HECW1: variants seen among roughly 807,000 people sequenced by gnomAD.
HECW1 encodes E3 ubiquitin-protein ligase HECW1.
In HECW1, 61 loss-of-function variants were observed where a neutral mutation model predicts 182.3. The ratio of observed to expected loss-of-function variants is 0.33; its 90% CI spans 0.27 to 0.41. The LOEUF (loss-of-function observed/expected upper bound fraction) is 0.41, where lower values mean the gene tolerates loss of function less well. HECW1 is among the 10% of genes least tolerant of loss of function. The pLI is 1.00. For synonymous variants in HECW1, 859 were observed against 832.6 expected, an observed-to-expected ratio of 1.03 and a Z score of -0.55; for missense variants, 1,739 against 2,108.9, an observed-to-expected ratio of 0.82 and a Z score of 3.44.
chr7:43,365,812 G>A (rs1405064465), intron 6 of HECW1, among the ~76,000 whole-genome samples: 1 of 152,138 alleles, frequency 6.6e-6, no homozygotes, highest in Non-Finnish European at 1.5e-5. Context: ...AACAAAGAAC[G>A]GCTGGGTGCA....
intron 2 of HECW1, among the ~76,000 whole-genome samples, chr7:43,129,002 A>G (rs1786600105): frequency 6.6e-6 from 1 of 152,232 alleles, no homozygotes; most frequent in Non-Finnish European, 1.5e-5. Context: ...GTTGCTTCTT[A>G]TGGATGAGCA....
At position 43,471,893 on chromosome 7, in the gene HECW1, T is replaced by C. The variant is rs549718167; in HGVS notation, c.3099+2788T>C. On this transcript the variant is annotated intron_variant, in intron 16 of 29. Transcript: ENST00000395891. Reference sequence around the variant, plus strand: ...AAAAGCATGTCTTTTTTTCAGAAAGTATATTTTTTTCCCAGAAAGTATAAT... The same window carrying C: ...AAAAGCATGTCTTTTTTTCAGAAAGCATATTTTTTTCCCAGAAAGTATAAT... 3.7e-4 allele frequency among the ~76,000 whole-genome samples: 57 copies of C among 152,256 alleles called. No homozygotes were observed. In the Middle Eastern group the frequency reaches 0.014, roughly 36 times the overall value.
At chr7:43,220,136 T>G (rs886439) in intron 2 of HECW1, among the ~76,000 whole-genome samples, 88,947 of 152,094 alleles carry the variant, frequency 0.58, 26,870 homozygotes, top group African/African-American at 0.72. Context: ...CCTTAGGTTT[T>G]CTAATTTACT....
At position 43,495,215 on chromosome 7, in the gene HECW1, C is replaced by T. The variant is rs188239109; in HGVS notation, c.3437+2035C>T. On this transcript the variant is annotated intron_variant, in intron 19 of 29. Coordinates refer to ENST00000395891, the MANE Select transcript of HECW1 (RefSeq NM_015052.5). ...CACCATGGTGGTTTGCTGCACCCAT[C>T]AACCCGTCATCTACATTAGGTATTT... Among the ~76,000 whole-genome samples the T allele has an allele frequency of 3.4e-3, 523 of 152,164 alleles. 3 individuals carry two copies. The highest frequency in any genetic ancestry group is 6.3e-3 in the Non-Finnish European group (431 of 68,002).
intron 8 of HECW1, among the ~76,000 whole-genome samples, chr7:43,431,091 T>C (rs1415702539): frequency 1.3e-5 from 2 of 152,160 alleles, no homozygotes; most frequent in Non-Finnish European, 2.9e-5. Flanking sequence ...TTTATTTTTC[T>C]TTAACAATGT....
chr7:43,454,543 A>G (rs1347411232), intron 12 of HECW1, among the ~76,000 whole-genome samples: 2 of 152,192 alleles, frequency 1.3e-5, no homozygotes, highest in African/African-American at 4.8e-5. Flanking sequence ...ATTTTAATCA[A>G]AATCTCCTAG....
In HECW1 at chr7:43,115,516, T is replaced by C. The variant is rs529017734; in HGVS notation, c.-32+1125T>C. 9.8e-5 allele frequency among the ~76,000 whole-genome samples: 15 copies of C among 152,336 alleles called. No homozygotes were observed. In the East Asian group the frequency reaches 2.5e-3, roughly 25 times the overall value. On this transcript the variant is annotated intron_variant, in intron 2 of 29. Transcript: ENST00000395891. ...ATAGCTGTTTCATCCTATGCAGTAA[T>C]TGACAATGGCATGAGACTTACTTTC... is the stretch of plus-strand genomic sequence containing the variant.
At chr7:43,319,164 G>A (rs955308970) in intron 4 of HECW1, among the ~76,000 whole-genome samples, 21 of 151,814 alleles carry the variant, frequency 1.4e-4, no homozygotes, top group Non-Finnish European at 2.2e-4. Flanking sequence ...GAGGCGGGTG[G>A]ATCATGAGGT....
intron 2 of HECW1, among the ~76,000 whole-genome samples, chr7:43,202,983 A>C (rs1387352624): frequency 6.6e-6 from 1 of 151,444 alleles, no homozygotes; most frequent in Admixed American, 6.6e-5. Flanking sequence ...CCCCACCCCT[A>C]TCTCCCTTCG....
chr7:43,487,964 AAGAGAGAGAGAG>A (rs142459103), intron 17 of HECW1, among the ~76,000 whole-genome samples: 1 of 147,208 alleles, frequency 6.8e-6, no homozygotes, highest in Admixed American at 6.8e-5. Flanking sequence ...AAAAAAAAGG[AAGAGAGAGAGAG>A]AGAGAGAAAG....
chr7:43,139,422 C>T (rs1314966740), intron 2 of HECW1, among the ~76,000 whole-genome samples: 2 of 152,188 alleles, frequency 1.3e-5, no homozygotes, highest in Admixed American at 1.3e-4. Context: ...GAGTCAAAGA[C>T]GCAACATGCA....
At chr7:43,405,654 C>T (rs1261319223) in intron 7 of HECW1, among the ~76,000 whole-genome samples, 3 of 152,078 alleles carry the variant, frequency 2.0e-5, no homozygotes, top group African/African-American at 4.8e-5. Flanking sequence ...ATCAAACTTC[C>T]GGCCTCCCAG....
intron 6 of HECW1, among the ~76,000 whole-genome samples, chr7:43,363,951 C>T (rs1017985886): frequency 2.0e-5 from 3 of 152,164 alleles, no homozygotes; most frequent in African/African-American, 7.2e-5. Context: ...TTTGCAGTCT[C>T]GTCTGGGGAC....
intron 3 of HECW1, among the ~76,000 whole-genome samples, chr7:43,267,672 G>C (rs1292791726): frequency 6.6e-6 from 1 of 151,848 alleles, no homozygotes; most frequent in African/African-American, 2.4e-5. Flanking sequence ...TATTTACTTG[G>C]GGGACCAAAC....
At chr7:43,163,813 A>G (rs1262727921) in intron 2 of HECW1, among the ~76,000 whole-genome samples, 1 of 152,060 alleles carries the variant, frequency 6.6e-6, no homozygotes, top group Non-Finnish European at 1.5e-5. Context: ...AGATGTTTGG[A>G]TTTGATGGAA....
chr7:43,226,631 G>A (rs530219174), intron 2 of HECW1, among the ~76,000 whole-genome samples: 65 of 152,298 alleles, frequency 4.3e-4, no homozygotes, highest in African/African-American at 1.5e-3. Flanking sequence ...GATCCTTGAC[G>A]AAGCGGGTGC....
intron 17 of HECW1, among the ~76,000 whole-genome samples, chr7:43,480,061 G>A (rs2078368147): frequency 6.6e-6 from 1 of 152,176 alleles, no homozygotes; most frequent in Non-Finnish European, 1.5e-5. Context: ...GCCTCCTGAG[G>A]CCTGTCATGT....
rs77686324 is a variant in HECW1, at chr7:43,521,231, A to G, written c.4019+12110A>G. Among the ~76,000 whole-genome samples, 346 of 152,362 alleles carry G rather than the reference A, an allele frequency of 2.3e-3. 9 individuals carry two copies. In the East Asian group the frequency reaches 0.051, roughly 23 times the overall value. ...GTGATTAAACGATGAGGGCAGAGTC[A>G]TGAATGGGAGTAAGGCCCTTATAAA... is the stretch of plus-strand genomic sequence containing the variant. On this transcript the variant is annotated intron_variant, in intron 24 of 29. Transcript: ENST00000395891.
chr7:43,544,525 T>A (rs2081483107), intron 26 of HECW1, among the ~76,000 whole-genome samples: 1 of 152,216 alleles, frequency 6.6e-6, no homozygotes, highest in African/African-American at 2.4e-5. Context: ...GGAAGTGTGA[T>A]TCACTCTCTA....
Sources: allele counts gnomAD v4.1 joint callset (sites outside exome capture counted in the v4.1 genomes callset), GRCh38; gene constraint gnomAD v4.1.1; transcripts MANE v1.5; gene names NCBI Gene and HGNC (gene_info 2026-07-23, HGNC 2026-07-21).